The following EYA2 variants were observed in gnomAD, a reference collection of about 807,000 sequenced individuals.
EYA2 encodes the protein EYA transcriptional coactivator and phosphatase 2, also known as protein phosphatase EYA2.
A neutral mutation model predicts 69.2 loss-of-function variants in EYA2; 31 were observed. That is an observed-to-expected ratio of 0.45 (90% CI 0.34 to 0.60). The LOEUF (loss-of-function observed/expected upper bound fraction) is 0.60. EYA2 is among the 20% of genes least tolerant of loss of function. The pLI, the probability that EYA2 is intolerant of heterozygous loss-of-function variation, is 0.02. For missense variants in EYA2, 622 were observed against 701.2 expected (o/e 0.89, Z 1.28); for synonymous variants, 257 against 279.4 (o/e 0.92, Z 0.80).
chr20:47,097,318 T>C (rs1487317613), intron 9 of EYA2, 150 bp downstream of exon 9: 2 of 604,724 alleles, frequency 3.3e-6, no homozygotes, highest in Non-Finnish European at 5.7e-6. Context: ...AAAATTCCTA[T>C]GACATTTTCC....
chr20:47,023,747 T>TA (rs368462950), intron 5 of EYA2, among the ~76,000 whole-genome samples: 333 of 151,216 alleles, frequency 2.2e-3, no homozygotes, highest in African/African-American at 7.8e-3. Context: ...AAGCGATTCT[T>TA]ATGCCTCAGC....
chr20:47,145,817 C>T (rs987810578), intron 10 of EYA2, among the ~76,000 whole-genome samples: 9 of 151,822 alleles, frequency 5.9e-5, no homozygotes, highest in African/African-American at 2.2e-4. Flanking sequence ...AGGAGAATCA[C>T]TTGAACCCAG....
At chr20:47,003,357 T>C (rs562526264) in intron 3 of EYA2, among the ~76,000 whole-genome samples, 1 of 152,378 alleles carries the variant, frequency 6.6e-6, no homozygotes, top group East Asian at 1.9e-4. Context: ...GCCTGGCACG[T>C]AGGCATGAGA....
chr20:47,136,102 A>G (rs2033466943), intron 9 of EYA2, among the ~76,000 whole-genome samples: 1 of 152,156 alleles, frequency 6.6e-6, no homozygotes. Flanking sequence ...CATTAAAACA[A>G]TTTTTTGGTA....
intron 7 of EYA2, among the ~76,000 whole-genome samples, chr20:47,077,141 A>G (rs1267608374): frequency 6.6e-6 from 1 of 152,178 alleles, no homozygotes; most frequent in Non-Finnish European, 1.5e-5. Context: ...CTACAAGAAG[A>G]CAGAAGAGAC....
intron 1 of EYA2, among the ~76,000 whole-genome samples, chr20:46,970,133 C>A (rs1490466896): frequency 6.6e-6 from 1 of 152,196 alleles, no homozygotes; most frequent in Admixed American, 6.5e-5. Context: ...GACTGCAGTT[C>A]TTGGTGAAGA....
intron 5 of EYA2, among the ~76,000 whole-genome samples, chr20:47,046,433 T>C (rs1199274880): frequency 6.6e-6 from 1 of 152,156 alleles, no homozygotes; most frequent in Non-Finnish European, 1.5e-5. Flanking sequence ...GGAACCAGCA[T>C]GTAGATACAC....
At chr20:46,952,187 G>C (rs955702535) in intron 1 of EYA2, among the ~76,000 whole-genome samples, 2 of 152,156 alleles carry the variant, frequency 1.3e-5, no homozygotes, top group Non-Finnish European at 2.9e-5. Context: ...TGGTCAGGGA[G>C]GTCTCTCTGG....
chr20:46,965,609 G>A, intron 1 of EYA2, among the ~76,000 whole-genome samples: 1 of 152,274 alleles, frequency 6.6e-6, no homozygotes, highest in East Asian at 1.9e-4. Context: ...CCAGCGTGCA[G>A]AACTGTTTGC....
At chr20:47,016,041 C>G (rs1254882861) in intron 4 of EYA2, 140 bp from the exon 5 acceptor site, 2 of 693,930 alleles carry the variant, frequency 2.9e-6, no homozygotes, top group African/African-American at 1.8e-5. Context: ...CTTTGGCTGA[C>G]AAGCCACCAG....
chr20:46,939,413 CAAAG>C (rs1160808214), intron 1 of EYA2, among the ~76,000 whole-genome samples: 2 of 151,962 alleles, frequency 1.3e-5, no homozygotes, highest in Non-Finnish European at 2.9e-5. Context: ...GGAGGGGAGA[CAAAG>C]AGAGATAATG....
intron 10 of EYA2, among the ~76,000 whole-genome samples, chr20:47,168,527 C>T (rs542403155): frequency 7.9e-5 from 12 of 152,202 alleles, no homozygotes; most frequent in African/African-American, 2.9e-4. Context: ...GAGGTGTTTC[C>T]CCAAGGAAAC....
At chr20:47,101,681 T>C (rs1568779188) in intron 9 of EYA2, among the ~76,000 whole-genome samples, 1 of 152,214 alleles carries the variant, frequency 6.6e-6, no homozygotes, top group Non-Finnish European at 1.5e-5. Context: ...TTAGTTATGT[T>C]TGAGAGGCCT....
At chr20:47,073,502 G>C (rs1189125393) in intron 6 of EYA2, among the ~76,000 whole-genome samples, 2 of 151,858 alleles carry the variant, frequency 1.3e-5, no homozygotes, top group Non-Finnish European at 2.9e-5. Flanking sequence ...CGTGGGGGGG[G>C]GGTGCAGTGT....
At chr20:46,976,578 G>C (rs569046990) in intron 1 of EYA2, among the ~76,000 whole-genome samples, 12 of 152,240 alleles carry the variant, frequency 7.9e-5, no homozygotes, top group South Asian at 6.2e-4. Flanking sequence ...GTAGAGACGG[G>C]GTTTCACCGT....
At chr20:47,002,577 G>C (rs1982448241) in intron 3 of EYA2, among the ~76,000 whole-genome samples, 1 of 152,194 alleles carries the variant, frequency 6.6e-6, no homozygotes, top group African/African-American at 2.4e-5. Context: ...TGGTGTATCT[G>C]TACCACAATT....
intron 1 of EYA2, among the ~76,000 whole-genome samples, chr20:46,949,985 G>A (rs1430343420): frequency 6.6e-6 from 1 of 152,202 alleles, no homozygotes; most frequent in African/African-American, 2.4e-5. Context: ...CTTGCACAAG[G>A]TGATTTATGG....
intron 1 of EYA2, among the ~76,000 whole-genome samples, chr20:46,963,973 G>A (rs1367583886): frequency 6.6e-6 from 1 of 152,224 alleles, no homozygotes; most frequent in Non-Finnish European, 1.5e-5. Context: ...AGCCATTGTG[G>A]CTCAGACTGC....
intron 5 of EYA2, among the ~76,000 whole-genome samples, chr20:47,043,282 A>G (rs1450474374): frequency 6.6e-6 from 1 of 152,190 alleles, no homozygotes; most frequent in Non-Finnish European, 1.5e-5. Flanking sequence ...GTACAGATGT[A>G]TATTTAAGTA....
Sources: gnomAD v4.1 joint callset for allele counts (sites outside exome capture counted in the v4.1 genomes callset) on GRCh38, gnomAD v4.1.1 for gene constraint, MANE v1.5 for transcripts, NCBI Gene and HGNC (gene_info 2026-07-23, HGNC 2026-07-21) for gene names.